Variants in SH3BP1 observed in about 807,000 individuals in gnomAD.
The protein encoded by SH3BP1 is SH3 domain-binding protein 1.
Under a neutral mutation model 69.8 loss-of-function variants are expected in SH3BP1, and 46 were observed. The ratio of observed to expected loss-of-function variants is 0.66; its 90% confidence interval spans 0.52 to 0.84. SH3BP1 has a LOEUF of 0.84. Among genes scored for constraint, SH3BP1 ranks in the 40% least tolerant of loss-of-function variants. SH3BP1 has a pLI of 0.00. For missense variants in SH3BP1, 868 were observed against 930.9 expected (o/e 0.93, Z 0.88); for synonymous variants, 403 against 378.0 (o/e 1.07, Z -0.77).
chr22:37,641,654 A>G (rs1418568148), intron 3 of SH3BP1, among the ~76,000 whole-genome samples, 176 bp downstream of exon 3: 2 of 152,156 alleles, frequency 1.3e-5, no homozygotes, highest in African/African-American at 4.8e-5. Context: ...TACCTTCCCC[A>G]TCACCTTTAC....
At position 37,650,247 on chromosome 22, in the gene SH3BP1, G is replaced by C. The variant is rs773925290; in HGVS notation, c.1412G>C (p.Gly471Ala). ...LIQSADTLFP[G>A]DINFNVSGLF... ...CAGAGCGCAGACACCCTCTTCCCTG[G>C]AGGTGAAGCTCCTGCCTGCATGGAC... Residue 471 changes from glycine to alanine, a missense_variant and splice_region_variant, in exon 15 of 18, where the codon GGA (glycine) becomes GCA (alanine). Physicochemically the swap from Gly to Ala is moderately conservative, Grantham distance 60. Coordinates refer to ENST00000649765, the MANE Select transcript of SH3BP1 (RefSeq NM_018957.6). 6.2e-7 allele frequency: 1 copy of C among 1,605,366 alleles called. No individual in the cohort carries two copies. The highest frequency in any genetic ancestry group is 1.1e-5 in the South Asian group (1 of 90,080).
At chr22:37,642,192 G>A (rs1932621357) in intron 3 of SH3BP1, 1 of 330,188 alleles carries the variant, frequency 3.0e-6, no homozygotes, top group East Asian at 6.4e-5. Context: ...CCCTGGGACA[G>A]GGGAAAGAGC....
intron 2 of SH3BP1, 55 bp downstream of exon 2, chr22:37,641,223 G>C: frequency 6.5e-7 from 1 of 1,538,080 alleles, no homozygotes; most frequent in Non-Finnish European, 8.8e-7. Flanking sequence ...CTGTCTCGGA[G>C]CAGAGGGCCG....
intron 17 of SH3BP1, among the ~76,000 whole-genome samples, chr22:37,654,581 AAAAG>A (rs919422780): frequency 1.3e-5 from 2 of 151,942 alleles, no homozygotes; most frequent in Non-Finnish European, 2.9e-5. Context: ...CAAAAAAAAA[AAAAG>A]AAAAAAGGCA....
chr22:37,649,315 C>G (rs1264244779), intron 14 of SH3BP1, among the ~76,000 whole-genome samples: 1 of 151,982 alleles, frequency 6.6e-6, no homozygotes, highest in Non-Finnish European at 1.5e-5. Context: ...TAATGAGACC[C>G]TGTCTCTACA....
Position 37,655,866 on chromosome 22 carries a change from C to CT in SH3BP1, c.*186dup. On this transcript the variant is annotated 3_prime_UTR_variant, in exon 18 of 18. Coordinates refer to ENST00000649765, the MANE Select transcript of SH3BP1 (RefSeq NM_018957.6). ...TCAGGACAATCCTCTATTTCCTGAC[C>CT]TTTTCCTCGTCCACCCTGGGCTTGG... is the stretch of plus-strand genomic sequence containing the variant. 6.5e-7 allele frequency: 1 copy of CT among 1,533,076 alleles called. No individual in the cohort carries two copies. The highest frequency in any genetic ancestry group is 8.7e-7 in the Non-Finnish European group (1 of 1,147,364). The allele number at this position is 1,533,076 out of a possible 1,614,324, so 95.0% of individuals were successfully genotyped here. A position where few individuals can be genotyped will look rare whatever the true frequency, so the allele number is the denominator to read the frequency against.
At chr22:37,653,296 C>T (rs1932920989) in intron 16 of SH3BP1, among the ~76,000 whole-genome samples, 1 of 152,034 alleles carries the variant, frequency 6.6e-6, no homozygotes, top group African/African-American at 2.4e-5. Flanking sequence ...AAAATCTGGG[C>T]ATGGTGGTGT....
Position 37,650,702 on chromosome 22 carries a change from G to A in SH3BP1, c.1575G>A (p.Leu525=), listed in dbSNP as rs1932863370. Residue 525 remains leucine, a synonymous_variant, in exon 16 of 18, where the codon TTG becomes TTA. Coordinates refer to ENST00000649765, the MANE Select transcript of SH3BP1 (RefSeq NM_018957.6). ...PAPAPAPAPA[L]ASAATKERTE... is the part of the protein sequence containing the mutation. ...CAGCTCCAGCTCCGGCCCCAGCCTTGGCTTCAGCAGCTACCAAGGAAAGGT... is the reference window on the plus strand; with the variant it reads ...CAGCTCCAGCTCCGGCCCCAGCCTTAGCTTCAGCAGCTACCAAGGAAAGGT... 1.2e-6 allele frequency: 2 copies of A among 1,611,892 alleles called. No homozygotes were observed. The highest frequency in any genetic ancestry group is 2.7e-5 in the African/African-American group (2 of 74,914).
intron 16 of SH3BP1, among the ~76,000 whole-genome samples, chr22:37,651,915 G>T (rs2146071541): frequency 6.6e-6 from 1 of 152,094 alleles, no homozygotes; most frequent in Non-Finnish European, 1.5e-5. Flanking sequence ...GTGGGGCCAG[G>T]AAAGACCTCG....
intron 9 of SH3BP1, 122 bp from the exon 10 acceptor site, chr22:37,645,243 A>G: frequency 1.6e-6 from 2 of 1,270,454 alleles, no homozygotes; most frequent in Admixed American, 2.1e-5. Context: ...GGATGATTTC[A>G]GATGTGTGCC....
Position 37,650,179 on chromosome 22 carries a change from C to T in SH3BP1, c.1344C>T (p.Ser448=), listed in dbSNP as rs776201122. The T allele has an allele frequency of 5.0e-6, 8 of 1,613,974 alleles. No homozygotes were observed. The highest frequency in any genetic ancestry group is 1.7e-5 in the Admixed American group (1 of 60,002). The part of the protein sequence containing the change: ...EGDQAQLDAA[S]VSSIQVVGVV... ...ACCAGGCCCAGCTGGATGCAGCCTC[C>T]GTGTCTTCCATCCAGGTGGTGGGCG... is the stretch of plus-strand genomic sequence containing the variant. Residue 448 remains serine (S), a synonymous_variant, in exon 15 of 18, where the codon TCC becomes TCT. Transcript: ENST00000649765.
chr22:37,641,667 C>T (rs529761370), intron 3 of SH3BP1, among the ~76,000 whole-genome samples, 189 bp downstream of exon 3: 47 of 152,318 alleles, frequency 3.1e-4, no homozygotes, highest in Non-Finnish European at 5.4e-4. Context: ...ACCTTTACCC[C>T]ACTTCCCTGT....
In SH3BP1 at chr22:37,655,972, C is replaced by A. The variant is rs760612033; in HGVS notation, c.*288C>A. On this transcript the variant is annotated 3_prime_UTR_variant, in exon 18 of 18. Coordinates refer to ENST00000649765, the MANE Select transcript of SH3BP1 (RefSeq NM_018957.6). ...GGAAGGAGAGGTTTGCCTGCTCCTA[C>A]GGGACTGATTCTTCTCTTGCCGACA... 1 of 1,536,768 alleles carries A rather than the reference C, an allele frequency of 6.5e-7. No individual in the cohort carries two copies. Among genetic ancestry groups the A allele is most frequent in the Non-Finnish European group, 8.8e-7 (1 of 1,140,936 alleles).
intron 6 of SH3BP1, 177 bp downstream of exon 6, chr22:37,643,351 T>C (rs1932680691): frequency 1.5e-6 from 1 of 674,452 alleles, no homozygotes; most frequent in African/African-American, 1.8e-5. Flanking sequence ...TGTGAGGGTG[T>C]GCCCGCGTGT....
At position 37,644,095 on chromosome 22, in the gene SH3BP1, C is replaced by T. The variant is rs115713161; in HGVS notation, c.618+307C>T. ...GAATGGTGAATAACAGGTCACTGTG[C>T]AAGGCCAGGCGCGGTGGCTTACGCC... On this transcript the variant is annotated intron_variant, in intron 7 of 17. Transcript: ENST00000649765. Among the ~76,000 whole-genome samples the T allele has an allele frequency of 2.0e-3, 307 of 152,256 alleles. 2 individuals carry two copies. The highest frequency in any genetic ancestry group is 7.0e-3 in the African/African-American group (290 of 41,560).
chr22:37,653,273 AAAC>A (rs1006535149), intron 16 of SH3BP1, among the ~76,000 whole-genome samples: 11 of 152,270 alleles, frequency 7.2e-5, no homozygotes, highest in East Asian at 5.8e-4. Context: ...TACTACAAAA[AAAC>A]AACAACAAAA....
chr22:37,643,585 C>A, intron 6 of SH3BP1, 59 bp from the exon 7 acceptor site: 1 of 1,609,604 alleles, frequency 6.2e-7, no homozygotes, highest in Admixed American at 1.7e-5. Context: ...ATGGAGGGGA[C>A]ACTTGGCTCT....
At chr22:37,644,600 C>G in intron 7 of SH3BP1, 37 bp from the exon 8 acceptor site, 1 of 1,606,086 alleles carries the variant, frequency 6.2e-7, no homozygotes, top group Non-Finnish European at 8.5e-7. Flanking sequence ...ACCCCACAGC[C>G]TCACCCAACG....
intron 3 of SH3BP1, 24 bp downstream of exon 3, chr22:37,641,502 AGGG>A: frequency 6.5e-7 from 1 of 1,532,580 alleles, no homozygotes; most frequent in Non-Finnish European, 8.8e-7. Flanking sequence ...CCCGGGAAGG[AGGG>A]GCCTGAGCAG....
Sources: allele counts gnomAD v4.1 joint callset (sites outside exome capture counted in the v4.1 genomes callset), GRCh38; gene constraint gnomAD v4.1.1; transcripts MANE v1.5; gene names NCBI Gene and HGNC (gene_info 2026-07-23, HGNC 2026-07-21).